TAOK1: variants seen among roughly 807,000 people sequenced by gnomAD.
TAOK1 encodes the protein TAO kinase 1, also known as serine/threonine-protein kinase TAO1.
A neutral mutation model predicts 138.3 loss-of-function variants in TAOK1; 21 were observed. The observed-to-expected ratio is 0.15, with a 90% CI of 0.11 to 0.22. The LOEUF is 0.22. Among genes scored for constraint, TAOK1 ranks in the 10% least tolerant of loss-of-function variants. The pLI, the probability that TAOK1 is intolerant of heterozygous loss-of-function variation, is 1.00. For synonymous variants in TAOK1, 361 were observed against 398.4 expected (o/e 0.91, Z 1.12); for missense variants, 651 against 1,227.7 (o/e 0.53, Z 7.02).
rs190745933 is a variant in TAOK1, at chr17:29,504,553, C to G, written c.1338+1830C>G. 2.2e-3 allele frequency among the ~76,000 whole-genome samples: 329 copies of G among 151,896 alleles called. 1 individual carries two copies. The highest frequency in any genetic ancestry group is 6.8e-3 in the Middle Eastern group (2 of 294). On this transcript the variant is annotated intron_variant, in intron 13 of 19. Transcript: ENST00000261716. ...GGCGTGATGGCGGGCACCTGTAATC[C>G]CGGCTACTTGGGAGGCTGAGGCAGG...
chr17:29,449,927 A>G (rs1217273474), intron 1 of TAOK1, among the ~76,000 whole-genome samples: 1 of 152,110 alleles, frequency 6.6e-6, no homozygotes, highest in Non-Finnish European at 1.5e-5. Flanking sequence ...AAAATAGCTA[A>G]CACTTACTGT....
chr17:29,428,503 A>G (rs1905719191), intron 1 of TAOK1, among the ~76,000 whole-genome samples: 1 of 152,206 alleles, frequency 6.6e-6, no homozygotes, highest in South Asian at 2.1e-4. Flanking sequence ...GCCTAGAGAA[A>G]GTTGATGATG....
chr17:29,486,215 G>A (rs1408723442), intron 8 of TAOK1, among the ~76,000 whole-genome samples: 1 of 152,158 alleles, frequency 6.6e-6, no homozygotes, highest in East Asian at 1.9e-4. Context: ...CTTGAGCCCA[G>A]GAGGTCAAGG....
chr17:29,494,034 A>T (rs2031360327), intron 10 of TAOK1, among the ~76,000 whole-genome samples: 2 of 151,924 alleles, frequency 1.3e-5, no homozygotes, highest in African/African-American at 4.8e-5. Flanking sequence ...CTCGTGCCTC[A>T]GCCGCCCGAG....
chr17:29,447,496 A>G (rs1413958502), intron 1 of TAOK1, among the ~76,000 whole-genome samples: 2 of 151,526 alleles, frequency 1.3e-5, no homozygotes, highest in Non-Finnish European at 2.9e-5. Context: ...ATACCTGGCT[A>G]ATTTTTGTAT....
intron 1 of TAOK1, among the ~76,000 whole-genome samples, chr17:29,429,519 G>A (rs959271271): frequency 4.6e-5 from 7 of 151,820 alleles, no homozygotes; most frequent in Admixed American, 6.6e-5. Context: ...CAAGTGATCC[G>A]GCTACCTCAG....
intron 11 of TAOK1, among the ~76,000 whole-genome samples, chr17:29,496,534 A>G (rs2031416703): frequency 7.0e-6 from 1 of 143,694 alleles, no homozygotes; most frequent in South Asian, 2.3e-4. Flanking sequence ...GTTAGTAGGC[A>G]TTCGACTGTG....
chr17:29,442,000 T>C (rs1257310074), intron 1 of TAOK1, among the ~76,000 whole-genome samples: 24 of 152,162 alleles, frequency 1.6e-4, no homozygotes, highest in Non-Finnish European at 1.2e-4. Context: ...GTTTTGTTTC[T>C]TTTCAAGAAC....
At chr17:29,391,721 T>C (rs2153019202) in intron 1 of TAOK1, among the ~76,000 whole-genome samples, 1 of 152,324 alleles carries the variant, frequency 6.6e-6, no homozygotes, top group Middle Eastern at 3.4e-3. Flanking sequence ...AGTGTATCTG[T>C]TCTGGTGTTA....
At chr17:29,491,943 T>C in intron 10 of TAOK1, 78 bp downstream of exon 10, 1 of 1,098,544 alleles carries the variant, frequency 9.1e-7, no homozygotes, top group South Asian at 1.4e-5. Context: ...GGAGTGGCAG[T>C]GGCACAATCA....
At chr17:29,415,334 G>T (rs1243264475) in intron 1 of TAOK1, among the ~76,000 whole-genome samples, 2 of 152,146 alleles carry the variant, frequency 1.3e-5, no homozygotes. Flanking sequence ...AATATGTACT[G>T]TTTTCAGTTC....
At chr17:29,542,407 A>G (rs996147701) in intron 19 of TAOK1, among the ~76,000 whole-genome samples, 154 bp from the exon 20 acceptor site, 1 of 152,226 alleles carries the variant, frequency 6.6e-6, no homozygotes, top group Admixed American at 6.5e-5. Flanking sequence ...ATTTTTTAAT[A>G]AATTAAAGGG....
intron 1 of TAOK1, among the ~76,000 whole-genome samples, chr17:29,435,868 C>T (rs1358901800): frequency 2.0e-5 from 3 of 152,224 alleles, no homozygotes; most frequent in Non-Finnish European, 4.4e-5. Context: ...CGGTGGCTCA[C>T]GCCTGTAATC....
chr17:29,473,092 C>A (rs2030864592), intron 3 of TAOK1, among the ~76,000 whole-genome samples: 1 of 152,216 alleles, frequency 6.6e-6, no homozygotes, highest in African/African-American at 2.4e-5. Flanking sequence ...AAAATATTCA[C>A]TAAACCATGC....
At chr17:29,525,033 A>G (rs940585365) in intron 17 of TAOK1, among the ~76,000 whole-genome samples, 3 of 152,160 alleles carry the variant, frequency 2.0e-5, no homozygotes, top group Non-Finnish European at 4.4e-5. Context: ...AAATTTTTCA[A>G]AGAGTTATTT....
At chr17:29,491,921 G>T in intron 10 of TAOK1, 56 bp downstream of exon 10, 1 of 1,377,642 alleles carries the variant, frequency 7.3e-7, no homozygotes, top group Non-Finnish European at 1.0e-6. Context: ...GCCTCACTTT[G>T]TCACCCAGGC....
chr17:29,474,705 A>G (rs1010428390), intron 3 of TAOK1, among the ~76,000 whole-genome samples: 3 of 152,160 alleles, frequency 2.0e-5, no homozygotes, highest in Non-Finnish European at 4.4e-5. Context: ...TCACCATAAC[A>G]GATATAATAA....
Position 29,507,910 on chromosome 17 carries a change from G to T in TAOK1, c.1353G>T (p.Met451Ile). The change falls in exon 14 of 20, where the codon ATG becomes ATT. Residue 451 changes from methionine (M) to isoleucine (I), a missense_variant. Met to Ile is a conservative substitution (Grantham distance 10). This residue lies in a region of TAOK1 where 3 missense variants were observed against 25.7 expected (regional missense o/e 0.12). Transcript: ENST00000261716. Reference protein sequence around the residue: ...IRTASLVTRQMQEHEQDSELR... With the variant: ...IRTASLVTRQIQEHEQDSELR... ...TGTATGTCTAGGTTACGAGGCAAAT[G>T]CAAGAACATGAGCAGGACTCTGAGC... is the stretch of plus-strand genomic sequence containing the variant. 1 of 1,613,520 alleles carries T rather than the reference G, an allele frequency of 6.2e-7. No individual in the cohort carries two copies. The highest frequency in any genetic ancestry group is 8.5e-7 in the Non-Finnish European group (1 of 1,179,772).
At chr17:29,489,616 A>G in intron 8 of TAOK1, 48 bp from the exon 9 acceptor site, 1 of 1,253,364 alleles carries the variant, frequency 8.0e-7, no homozygotes, top group South Asian at 1.4e-5. Context: ...CCAGGACTTG[A>G]GTACCCCTGG....
Sources: allele counts gnomAD v4.1 joint callset (sites outside exome capture counted in the v4.1 genomes callset), GRCh38; gene constraint gnomAD v4.1.1; regional missense constraint gnomAD v4.1.1; transcripts MANE v1.5; gene names NCBI Gene and HGNC (gene_info 2026-07-23, HGNC 2026-07-21).